Variants in NUP188 observed in about 807,000 individuals in gnomAD.
NUP188 encodes nucleoporin 188.
A neutral mutation model predicts 223.0 loss-of-function variants in NUP188; 97 were observed. The ratio of observed to expected loss-of-function variants is 0.43; its 90% CI spans 0.37 to 0.51. NUP188 has a LOEUF of 0.51. Ranked by LOEUF, NUP188 falls within the 20% of genes least tolerant of loss-of-function variation. The pLI, the probability that NUP188 is intolerant of heterozygous loss-of-function variation, is 0.00. For synonymous variants in NUP188, 869 were observed against 828.0 expected, an observed-to-expected ratio of 1.05 and a Z score of -0.85; for missense variants, 1,947 against 2,175.6, an observed-to-expected ratio of 0.89 and a Z score of 2.09.
rs566839353 is a variant in NUP188 at position 128,987,817 on chromosome 9, G to A, written c.2393+100G>A. 5.3e-5 allele frequency: 77 copies of A among 1,463,310 alleles called. 1 individual carries two copies. In the South Asian group the frequency reaches 9.5e-4, roughly 18 times the overall value. The allele number at this position is 1,463,310 out of a possible 1,614,324, so 90.6% of individuals were successfully genotyped here. On this transcript the variant is annotated intron_variant, in intron 23 of 43. Transcript: ENST00000372577. ...TAACTTGCAGTAGCTTTTAGAAGAC[G>A]ACATTGTTCTTCCTAGGACATAGCC...
intron 23 of NUP188, 151 bp from the exon 24 acceptor site, chr9:128,987,896 T>G (rs955080935): frequency 5.1e-5 from 57 of 1,128,586 alleles, no homozygotes; most frequent in Non-Finnish European, 6.4e-5. Flanking sequence ...AGGGAGTTGA[T>G]TACTCCTCCT....
intron 8 of NUP188, among the ~76,000 whole-genome samples, chr9:128,960,246 T>G (rs2131144757): frequency 6.7e-6 from 1 of 150,322 alleles, no homozygotes; most frequent in Admixed American, 6.6e-5. Context: ...TGTTTTTGTT[T>G]TTTTTGTTTT....
chr9:128,979,224 A>G (rs752440710), intron 12 of NUP188, 38 bp from the exon 13 acceptor site: 1 of 1,453,110 alleles, frequency 6.9e-7, no homozygotes, highest in Non-Finnish European at 9.6e-7. Context: ...TGGTTCAGCT[A>G]GGGAAAATGA....
At position 129,003,457 on chromosome 9, in the gene NUP188, G is replaced by A. The variant is rs771717516; in HGVS notation, c.4434+3G>A. Reference sequence around the variant, plus strand: ...CTCAGCTCATGCGTGATATCCAGGTGGGGGCCCAAGATGGTGTCTTGGAGT... The same window carrying A: ...CTCAGCTCATGCGTGATATCCAGGTAGGGGCCCAAGATGGTGTCTTGGAGT... On this transcript the variant is annotated splice_donor_region_variant and intron_variant, in intron 38 of 43. Coordinates refer to ENST00000372577, the MANE Select transcript of NUP188 (RefSeq NM_015354.3). 19 of 1,608,756 alleles carry A rather than the reference G, an allele frequency of 1.2e-5. No homozygotes were observed. The South Asian group carries it at 1.8e-4, about 15-fold the overall frequency.
In NUP188 at chr9:129,001,524, G is replaced by T. The variant is rs1362111642; in HGVS notation, c.3844-5G>T. The T allele has an allele frequency of 1.2e-6, 2 of 1,611,688 alleles. No individual in the cohort carries two copies. Among genetic ancestry groups the T allele is most frequent in the Admixed American group, 1.7e-5 (1 of 59,976 alleles). The stretch of plus-strand genomic sequence containing the variant: ...CCCCTTTTACTCATCTTTGCCTCTG[G>T]GCAGGTGTGTGTCCTGGGCCTGCAC... On this transcript the variant is annotated splice_region_variant and splice_polypyrimidine_tract_variant and intron_variant, in intron 34 of 43. Transcript: ENST00000372577.
intron 43 of NUP188, 28 bp from the exon 44 acceptor site, chr9:129,006,474 C>G: frequency 6.2e-7 from 1 of 1,611,202 alleles, no homozygotes; most frequent in Non-Finnish European, 8.5e-7. Flanking sequence ...ATGTGCTGAG[C>G]CTCACCAAGC....
In NUP188 at chr9:128,994,413, A is replaced by G; in HGVS notation, c.3058A>G (p.Thr1020Ala). Residue 1020 changes from threonine to alanine, a missense_variant, in exon 28 of 44, where the codon ACC becomes GCC. Thr to Ala is a moderately conservative substitution (Grantham distance 58). Coordinates refer to ENST00000372577, the MANE Select transcript of NUP188 (RefSeq NM_015354.3). ...WENLTSPLFG[T>A]LSPPSETSEP... ...AAATTTAACCAGTCCGCTGTTTGGA[A>G]CCCTTTCTCCTCCCTCTGAAACATC... The G allele has an allele frequency of 6.2e-7, 1 of 1,613,404 alleles. No homozygotes were observed.
chr9:128,957,046 G>A lies in NUP188; in HGVS notation c.327+14G>A. 6.4e-7 allele frequency: 1 copy of A among 1,565,074 alleles called. No individual in the cohort carries two copies. Among genetic ancestry groups the A allele is most frequent in the South Asian group, 1.1e-5 (1 of 87,358 alleles). On this transcript the variant is annotated intron_variant, in intron 5 of 43. Transcript: ENST00000372577. ...GACTCAGTAAAGGTTTGTGGTTTATGTCAGCTCCTTTCTTCTGCCTTTATC... is the reference window on the plus strand; with the variant it reads ...GACTCAGTAAAGGTTTGTGGTTTATATCAGCTCCTTTCTTCTGCCTTTATC...
intron 37 of NUP188, 151 bp downstream of exon 37, chr9:129,003,126 T>A: frequency 9.1e-7 from 1 of 1,098,672 alleles, no homozygotes; most frequent in Non-Finnish European, 1.3e-6. Context: ...CTCTGCTGGC[T>A]CACTGGCCAG....
chr9:129,003,544 GCA>G (rs1564568837), intron 38 of NUP188, 90 bp downstream of exon 38: 1 of 1,445,736 alleles, frequency 6.9e-7, no homozygotes. Context: ...CTAGTGAATT[GCA>G]GGATGTTCCT....
At chr9:128,999,501 G>T in intron 33 of NUP188, 123 bp from the exon 34 acceptor site, 1 of 1,200,910 alleles carries the variant, frequency 8.3e-7, no homozygotes, top group Non-Finnish European at 1.2e-6. Context: ...TCTCCCACTG[G>T]ACAGATGCTG....
chr9:128,990,323 C>CTTTA (rs778207736), intron 25 of NUP188, 97 bp downstream of exon 25: 9 of 947,682 alleles, frequency 9.5e-6, no homozygotes, highest in Non-Finnish European at 1.6e-5. Context: ...AGCGGCTTAA[C>CTTTA]GCCTGTATAT....
chr9:129,004,853 C>T, intron 38 of NUP188: 1 of 466,844 alleles, frequency 2.1e-6, no homozygotes, highest in Non-Finnish European at 3.9e-6. Context: ...CTAGCTGGGT[C>T]TCAGGGAGAC....
chr9:129,001,255 G>A (rs1185288965), intron 34 of NUP188, among the ~76,000 whole-genome samples: 1 of 151,838 alleles, frequency 6.6e-6, no homozygotes, highest in Non-Finnish European at 1.5e-5. Flanking sequence ...TCTGACAAGG[G>A]TGGTGGCAGT....
At chr9:128,952,514 G>C (rs1027443987) in intron 2 of NUP188, among the ~76,000 whole-genome samples, 1 of 152,150 alleles carries the variant, frequency 6.6e-6, no homozygotes, top group Non-Finnish European at 1.5e-5. Flanking sequence ...CTTGAGGTGG[G>C]GAGTTCGAGA....
At chr9:128,956,182 GGTGTGTGTGTGTGT>G (rs60109270) in intron 3 of NUP188, among the ~76,000 whole-genome samples, 154 bp from the exon 4 acceptor site, 1 of 134,726 alleles carries the variant, frequency 7.4e-6, no homozygotes, top group African/African-American at 2.6e-5. Flanking sequence ...GAGGTGAATG[GGTGTGTGTGTGTGT>G]GTGTGTGTGT....
At chr9:129,003,088 T>C in intron 37 of NUP188, 113 bp downstream of exon 37, 4 of 1,259,806 alleles carry the variant, frequency 3.2e-6, no homozygotes, top group Non-Finnish European at 4.3e-6. Context: ...GGGTTGTCGA[T>C]GCCTTCATTT....
Position 129,001,722 on chromosome 9 carries a change from C to T in NUP188, c.4037C>T (p.Thr1346Ile). 6.2e-7 allele frequency: 1 copy of T among 1,613,568 alleles called. No homozygotes were observed. Among genetic ancestry groups the T allele is most frequent in the Non-Finnish European group, 8.5e-7 (1 of 1,179,854 alleles). Reference protein sequence around the residue: ...TLHLLLTLARTQQGATAVAGA... With the variant: ...TLHLLLTLARIQQGATAVAGA... ...CATCTGCTCCTCACCCTGGCTCGCA[C>T]TCAGCAGGTAGGAGGCCAGCCCGAA... Residue 1346 changes from threonine (T) to isoleucine (I), a missense_variant, in exon 35 of 44, where the codon ACT becomes ATT. Thr to Ile is a moderately conservative substitution (Grantham distance 89, BLOSUM62 -1). Coordinates refer to ENST00000372577, the MANE Select transcript of NUP188 (RefSeq NM_015354.3).
At chr9:128,957,086 G>A in intron 5 of NUP188, 54 bp downstream of exon 5, 1 of 1,288,872 alleles carries the variant, frequency 7.8e-7, no homozygotes, top group South Asian at 1.3e-5. Flanking sequence ...TTCCCTGTTG[G>A]TTTTAGATAA....
Sources: gnomAD v4.1 joint callset for allele counts (sites outside exome capture counted in the v4.1 genomes callset) on GRCh38, gnomAD v4.1.1 for gene constraint, MANE v1.5 for transcripts, NCBI Gene and HGNC (gene_info 2026-07-23, HGNC 2026-07-21) for gene names.